The following GABRB1 variants were observed in gnomAD, a reference collection of about 807,000 sequenced individuals.
GABRB1 encodes gamma-aminobutyric acid type A receptor subunit beta1.
GABRB1 carries 17 observed loss-of-function variants against 51.6 expected under a neutral mutation model. That is an observed-to-expected ratio of 0.33 (90% CI 0.23 to 0.49). The LOEUF (loss-of-function observed/expected upper bound fraction) is 0.49, where lower values mean the gene tolerates loss of function less well. Among genes scored for constraint, GABRB1 ranks in the 20% least tolerant of loss-of-function variants. The pLI is 0.99. For missense variants in GABRB1, 410 were observed against 600.6 expected (o/e 0.68, Z 3.32); for synonymous variants, 247 against 218.9 (o/e 1.13, Z -1.14).
At chr4:47,357,654 G>C (rs530946626) in intron 5 of GABRB1, among the ~76,000 whole-genome samples, 1 of 152,288 alleles carries the variant, frequency 6.6e-6, no homozygotes, top group Non-Finnish European at 1.5e-5. Context: ...TTCTAAAGTG[G>C]TTCTGGGGTC....
intron 8 of GABRB1, among the ~76,000 whole-genome samples, chr4:47,407,390 G>A (rs779174695): frequency 1.6e-4 from 24 of 152,072 alleles, no homozygotes; most frequent in Non-Finnish European, 3.1e-4. Flanking sequence ...TTTTCTCTCA[G>A]TGTCCTCATC....
intron 3 of GABRB1, among the ~76,000 whole-genome samples, chr4:47,101,470 T>C (rs370630126): frequency 2.3e-4 from 35 of 152,182 alleles, no homozygotes; most frequent in South Asian, 2.3e-3. Flanking sequence ...ATGTACAACA[T>C]CCAATTTATT....
Position 47,268,663 on chromosome 4 carries a change from T to C in GABRB1, c.462-51464T>C, listed in dbSNP as rs1051043323. On this transcript the variant is annotated intron_variant, in intron 4 of 8. Coordinates refer to ENST00000295454, the MANE Select transcript of GABRB1 (RefSeq NM_000812.4). ...AAAGTGCTTAGTTTGAATAAAAAGA[T>C]TTTTGAAATGTGTAATTTCAATGAG... Among the ~76,000 whole-genome samples the C allele has an allele frequency of 3.9e-5, 6 of 152,168 alleles. 1 individual carries two copies. Among genetic ancestry groups the C allele is most frequent in the South Asian group, 2.1e-4 (1 of 4,824 alleles).
At chr4:47,303,415 C>A (rs1724334298) in intron 4 of GABRB1, among the ~76,000 whole-genome samples, 1 of 151,014 alleles carries the variant, frequency 6.6e-6, no homozygotes, top group East Asian at 1.9e-4. Context: ...TCTAATAATG[C>A]CAATCAAAAA....
intron 4 of GABRB1, among the ~76,000 whole-genome samples, chr4:47,316,022 A>G (rs1250250875): frequency 2.4e-5 from 3 of 126,700 alleles, no homozygotes; most frequent in Non-Finnish European, 5.0e-5. Flanking sequence ...CTGCATATGT[A>G]CCCAAGAACC....
intron 8 of GABRB1, among the ~76,000 whole-genome samples, chr4:47,422,271 CCTT>C (rs1211784269): frequency 6.6e-6 from 1 of 152,174 alleles, no homozygotes; most frequent in Admixed American, 6.6e-5. Flanking sequence ...CTTTCTCAAT[CCTT>C]CTTTTCCTGT....
chr4:47,374,261 C>T (rs138587228), intron 5 of GABRB1, among the ~76,000 whole-genome samples: 4 of 152,212 alleles, frequency 2.6e-5, no homozygotes, highest in South Asian at 2.1e-4. Flanking sequence ...TGGTGGTGTG[C>T]ACCTGTGGTC....
intron 3 of GABRB1, among the ~76,000 whole-genome samples, chr4:47,121,210 T>C (rs1715761418): frequency 6.6e-6 from 1 of 152,086 alleles, no homozygotes; most frequent in Admixed American, 6.5e-5. Flanking sequence ...TCCATGTCCA[T>C]GTGTGTTGGC....
intron 3 of GABRB1, among the ~76,000 whole-genome samples, chr4:47,067,984 G>A (rs1375745954): frequency 7.2e-5 from 11 of 152,080 alleles, no homozygotes; most frequent in Admixed American, 2.0e-4. Context: ...GTGGTGTTTT[G>A]TTTTCTGTTC....
intron 4 of GABRB1, among the ~76,000 whole-genome samples, chr4:47,184,384 G>A (rs73815404): frequency 2.0e-5 from 3 of 151,988 alleles, no homozygotes; most frequent in African/African-American, 7.2e-5. Flanking sequence ...TTTCTAACAT[G>A]TAATATTGTG....
At chr4:47,050,594 A>G (rs1156553006) in intron 3 of GABRB1, among the ~76,000 whole-genome samples, 1 of 152,180 alleles carries the variant, frequency 6.6e-6, no homozygotes, top group Non-Finnish European at 1.5e-5. Context: ...ATACCAGCTT[A>G]TCATTTTTGT....
At chr4:47,151,794 TAATC>T (rs1340255388) in intron 3 of GABRB1, among the ~76,000 whole-genome samples, 1 of 152,034 alleles carries the variant, frequency 6.6e-6, no homozygotes, top group Admixed American at 6.6e-5. Flanking sequence ...CTTGATGAAT[TAATC>T]AATTTAATTT....
At chr4:47,024,701 G>A (rs1725032852) in intron 1 of GABRB1, among the ~76,000 whole-genome samples, 1 of 151,620 alleles carries the variant, frequency 6.6e-6, no homozygotes, top group South Asian at 2.1e-4. Context: ...CCCATTTGTA[G>A]TCTTTTATCC....
At chr4:47,283,737 G>T (rs921984986) in intron 4 of GABRB1, among the ~76,000 whole-genome samples, 1 of 151,974 alleles carries the variant, frequency 6.6e-6, no homozygotes, top group Non-Finnish European at 1.5e-5. Context: ...ATTTGGAATA[G>T]CTGCTTGAGT....
intron 4 of GABRB1, among the ~76,000 whole-genome samples, chr4:47,280,850 T>G (rs1455849247): frequency 1.1e-4 from 17 of 150,040 alleles, no homozygotes; most frequent in Non-Finnish European, 3.0e-5. Flanking sequence ...GAAATGAGTC[T>G]TGCTAAATTG....
At chr4:47,191,919 C>A (rs1448221789) in intron 4 of GABRB1, among the ~76,000 whole-genome samples, 1 of 152,106 alleles carries the variant, frequency 6.6e-6, no homozygotes, top group Non-Finnish European at 1.5e-5. Context: ...ATCTCCCGCC[C>A]TCTGCAGACA....
At chr4:47,157,731 A>G (rs1361519927) in intron 3 of GABRB1, among the ~76,000 whole-genome samples, 1 of 152,088 alleles carries the variant, frequency 6.6e-6, no homozygotes, top group African/African-American at 2.4e-5. Context: ...GTCCTTCCAT[A>G]ATGTTCATTA....
At chr4:47,171,790 G>A (rs1032456164) in intron 4 of GABRB1, among the ~76,000 whole-genome samples, 1 of 151,988 alleles carries the variant, frequency 6.6e-6, no homozygotes, top group Non-Finnish European at 1.5e-5. Context: ...AACACATGTT[G>A]CTTACATCAT....
At chr4:47,032,285 C>T in intron 2 of GABRB1, 132 bp from the exon 3 acceptor site, 1 of 891,846 alleles carries the variant, frequency 1.1e-6, no homozygotes, top group Non-Finnish European at 1.7e-6. Flanking sequence ...AGGCAGTCCC[C>T]TGAAAGGGGT....
Sources: allele counts gnomAD v4.1 joint callset (sites outside exome capture counted in the v4.1 genomes callset), GRCh38; gene constraint gnomAD v4.1.1; transcripts MANE v1.5; gene names NCBI Gene and HGNC (gene_info 2026-07-23, HGNC 2026-07-21).